Variants in DNAJC6 observed in about 807,000 individuals in gnomAD.
DNAJC6 encodes auxilin.
DNAJC6 carries 34 observed loss-of-function variants against 110.0 expected under a neutral mutation model. That is an observed-to-expected ratio of 0.31 (90% CI 0.24 to 0.41). The LOEUF (loss-of-function observed/expected upper bound fraction) is 0.41. Ranked by LOEUF, DNAJC6 falls within the 10% of genes least tolerant of loss-of-function variation. The pLI, the probability that DNAJC6 is intolerant of heterozygous loss-of-function variation, is 1.00. For synonymous variants in DNAJC6, 406 were observed against 437.2 expected, an observed-to-expected ratio of 0.93 and a Z score of 0.89; for missense variants, 1,031 against 1,207.8, an observed-to-expected ratio of 0.85 and a Z score of 2.17.
At chr1:65,395,053 G>T in intron 13 of DNAJC6, 21 bp downstream of exon 13, 1 of 1,580,558 alleles carries the variant, frequency 6.3e-7, no homozygotes. Flanking sequence ...ATTTTATATT[G>T]TGTTCAGTGG....
At chr1:65,333,527 C>A (rs1032170126) in intron 1 of DNAJC6, among the ~76,000 whole-genome samples, 6 of 151,980 alleles carry the variant, frequency 3.9e-5, no homozygotes, top group African/African-American at 1.4e-4. Context: ...AGTGAGTTGC[C>A]CAAGGTCACA....
chr1:65,356,494 G>A (rs1460825481), intron 1 of DNAJC6, among the ~76,000 whole-genome samples: 1 of 151,796 alleles, frequency 6.6e-6, no homozygotes, highest in Admixed American at 6.6e-5. Flanking sequence ...AGCCCAGGAG[G>A]TGGAGGTTGC....
chr1:65,377,863 A>T (rs1645781068), intron 4 of DNAJC6, among the ~76,000 whole-genome samples: 1 of 152,198 alleles, frequency 6.6e-6, no homozygotes, highest in Non-Finnish European at 1.5e-5. Flanking sequence ...GGGATTGCAG[A>T]GCACATTCTG....
intron 18 of DNAJC6, among the ~76,000 whole-genome samples, chr1:65,411,723 C>CT (rs1263468117): frequency 8.4e-6 from 1 of 118,704 alleles, no homozygotes; most frequent in Non-Finnish European, 1.7e-5. Flanking sequence ...AATCCCAGCA[C>CT]TTTGGGGGGG....
chr1:65,375,705 C>T lies in DNAJC6; in HGVS notation c.544-3697C>T, dbSNP rs1296094632. Among the ~76,000 whole-genome samples, 4 of 152,324 alleles carry T rather than the reference C, an allele frequency of 2.6e-5. 1 individual carries two copies. The South Asian group carries it at 8.3e-4, about 32-fold the overall frequency. ...CCTCCTGAAGTGCTGGGATTACAGG[C>T]GTGAGCCACCATGCCTGGCCATGAA... On this transcript the variant is annotated intron_variant, in intron 4 of 18. Transcript: ENST00000371069.
In DNAJC6 at chr1:65,382,273, G is replaced by GT. The variant is rs570359292; in HGVS notation, c.667-1914dup. 2.2e-3 allele frequency among the ~76,000 whole-genome samples: 336 copies of GT among 152,276 alleles called. 2 individuals are homozygous for GT. The highest frequency in any genetic ancestry group is 7.7e-3 in the South Asian group (37 of 4,828). On this transcript the variant is annotated intron_variant, in intron 5 of 18. Coordinates refer to ENST00000371069, the MANE Select transcript of DNAJC6 (RefSeq NM_001256864.2). ...TTGGAGTCCTGCAAGATATTTCTTAGTTTTTTCTAGTCAAGATTGAGAAAT... is the reference window on the plus strand; with the variant it reads ...TTGGAGTCCTGCAAGATATTTCTTAGTTTTTTTCTAGTCAAGATTGAGAAAT...
intron 1 of DNAJC6, among the ~76,000 whole-genome samples, chr1:65,343,509 G>C (rs1645408429): frequency 6.6e-6 from 1 of 152,140 alleles, no homozygotes; most frequent in Non-Finnish European, 1.5e-5. Flanking sequence ...TCCTGCCTGG[G>C]ATATGCATCA....
intron 17 of DNAJC6, among the ~76,000 whole-genome samples, chr1:65,409,812 T>C (rs1419409005): frequency 6.6e-6 from 1 of 152,232 alleles, no homozygotes; most frequent in Non-Finnish European, 1.5e-5. Context: ...AAAATTAGAT[T>C]TGAGGTTTTT....
intron 1 of DNAJC6, among the ~76,000 whole-genome samples, chr1:65,292,900 T>C (rs539491009): frequency 7.9e-5 from 12 of 152,254 alleles, no homozygotes; most frequent in East Asian, 5.8e-4. Context: ...GCTGTTGTCA[T>C]TGGGGCTCAC....
chr1:65,300,755 C>T (rs932840881), intron 1 of DNAJC6, among the ~76,000 whole-genome samples: 1 of 152,186 alleles, frequency 6.6e-6, no homozygotes, highest in Non-Finnish European at 1.5e-5. Context: ...AGTTCCTTCC[C>T]TTTAATTAGA....
chr1:65,390,823 T>G (rs2101610423), intron 11 of DNAJC6, among the ~76,000 whole-genome samples: 1 of 152,336 alleles, frequency 6.6e-6, no homozygotes, highest in African/African-American at 2.4e-5. Context: ...AATCCTCAAA[T>G]TTGGAAAACC....
At chr1:65,289,729 C>T (rs1352927400) in intron 1 of DNAJC6, among the ~76,000 whole-genome samples, 1 of 151,928 alleles carries the variant, frequency 6.6e-6, no homozygotes, top group Non-Finnish European at 1.5e-5. Context: ...TATTTTGTTA[C>T]AGCAGCCTGA....
intron 1 of DNAJC6, among the ~76,000 whole-genome samples, chr1:65,275,845 A>G (rs1653650199): frequency 6.7e-6 from 1 of 149,474 alleles, no homozygotes. Context: ...TTACAGAACC[A>G]TTAATTTCTT....
intron 13 of DNAJC6, among the ~76,000 whole-genome samples, chr1:65,396,696 T>G (rs1321787169): frequency 6.6e-6 from 1 of 152,208 alleles, no homozygotes; most frequent in African/African-American, 2.4e-5. Flanking sequence ...ATGCAGTAAT[T>G]AACTTATGTG....
At chr1:65,291,250 C>G (rs928831363) in intron 1 of DNAJC6, among the ~76,000 whole-genome samples, 1 of 152,166 alleles carries the variant, frequency 6.6e-6, no homozygotes. Flanking sequence ...CCAGGCTGGT[C>G]TCGAACTCCT....
At chr1:65,303,854 T>G (rs572078502) in intron 1 of DNAJC6, among the ~76,000 whole-genome samples, 1 of 152,280 alleles carries the variant, frequency 6.6e-6, no homozygotes, top group African/African-American at 2.4e-5. Flanking sequence ...TTTCCATAAG[T>G]TGCCCAAACC....
Position 65,309,647 on chromosome 1 carries a change from ATTTT to A in DNAJC6, c.-87_-84del. 1 of 1,198,894 alleles carries A rather than the reference ATTTT, an allele frequency of 8.3e-7. No individual in the cohort carries two copies. Among genetic ancestry groups the A allele is most frequent in the Non-Finnish European group, 1.1e-6 (1 of 922,084 alleles). 74.3% of individuals were successfully genotyped at this position (1,198,894 alleles called of 1,614,324 possible). On this transcript the variant is annotated 5_prime_UTR_variant, in exon 1 of 19. Coordinates refer to ENST00000371069, the MANE Select transcript of DNAJC6 (RefSeq NM_001256864.2). ...CTCTTTGCGTCATGTCGGGCACTTAATTTTTTTTTTTTTTTAATTCCTTCTTCAG... is the reference window on the plus strand; with the variant it reads ...CTCTTTGCGTCATGTCGGGCACTTAATTTTTTTTTTTAATTCCTTCTTCAG...
At chr1:65,334,155 G>C (rs1362715704) in intron 1 of DNAJC6, among the ~76,000 whole-genome samples, 3 of 152,186 alleles carry the variant, frequency 2.0e-5, no homozygotes, top group African/African-American at 7.2e-5. Context: ...GCAAAATTTT[G>C]TAGGCAGATA....
At chr1:65,347,405 CTT>C (rs898237039) in intron 1 of DNAJC6, among the ~76,000 whole-genome samples, 4 of 144,336 alleles carry the variant, frequency 2.8e-5, no homozygotes, top group Admixed American at 7.0e-5. Context: ...TGTAGATTTT[CTT>C]TTTTTTTTTT....
Sources: allele counts gnomAD v4.1 joint callset (sites outside exome capture counted in the v4.1 genomes callset), GRCh38; gene constraint gnomAD v4.1.1; transcripts MANE v1.5; gene names NCBI Gene and HGNC (gene_info 2026-07-23, HGNC 2026-07-21).